The following RASGRF1 variants were observed in gnomAD, a reference collection of about 807,000 sequenced individuals.
RASGRF1 encodes the protein Ras protein specific guanine nucleotide releasing factor 1.
A neutral mutation model predicts 138.7 loss-of-function variants in RASGRF1; 40 were observed. That is an observed-to-expected ratio of 0.29 (90% CI 0.22 to 0.38). The LOEUF is 0.38. Among genes scored for constraint, RASGRF1 ranks in the 10% least tolerant of loss-of-function variants. The probability of loss-of-function intolerance (pLI) is 1.00; values close to 1 mark genes in which losing one functional copy is unlikely to be tolerated. For missense variants in RASGRF1, 1,108 were observed against 1,650.4 expected (o/e 0.67, Z 5.69); for synonymous variants, 614 against 663.2 (o/e 0.93, Z 1.14).
chr15:79,075,538 C>T (rs557478207), intron 1 of RASGRF1, among the ~76,000 whole-genome samples: 1 of 152,094 alleles, frequency 6.6e-6, no homozygotes, highest in Non-Finnish European at 1.5e-5. Flanking sequence ...GGCTTGAAGC[C>T]CCACCTACTT....
At position 79,027,482 on chromosome 15, in the gene RASGRF1, C is replaced by G. The variant is rs1225658200; in HGVS notation, c.1381+259G>C. On this transcript the variant is annotated intron_variant, in intron 9 of 26. Coordinates refer to ENST00000558480, the MANE Select transcript of RASGRF1 (RefSeq NM_001145648.3). This position sits in a 1 kb window ranked among gnomAD's most constrained non-coding sequence, Gnocchi z 4.8. ...ATGACATACAATAGACAAACCAAGG[C>G]CATCTGGGTAGAATTCTGTTTACAT... 6.6e-6 allele frequency among the ~76,000 whole-genome samples: 1 copy of G among 152,178 alleles called. No individual in the cohort carries two copies. Among genetic ancestry groups the G allele is most frequent in the Non-Finnish European group, 1.5e-5 (1 of 68,038 alleles).
chr15:78,971,304 C>A (rs1354521127), intron 26 of RASGRF1, among the ~76,000 whole-genome samples: 1 of 152,166 alleles, frequency 6.6e-6, no homozygotes, highest in Non-Finnish European at 1.5e-5. Flanking sequence ...AAATAGATTT[C>A]TCTGCAGCTG....
At chr15:79,037,754 T>G (rs1445234157) in intron 5 of RASGRF1, among the ~76,000 whole-genome samples, 2 of 152,244 alleles carry the variant, frequency 1.3e-5, no homozygotes, top group Admixed American at 1.3e-4. Context: ...CCACCATGCC[T>G]GGCCTATTTC....
chr15:79,018,838 T>C (rs1288137340), intron 11 of RASGRF1, among the ~76,000 whole-genome samples: 1 of 152,026 alleles, frequency 6.6e-6, no homozygotes. Context: ...TCCCTGGGCC[T>C]AGGAGGGTAA....
intron 1 of RASGRF1, among the ~76,000 whole-genome samples, chr15:79,070,248 G>A (rs183667112): frequency 5.3e-4 from 81 of 152,332 alleles, no homozygotes; most frequent in African/African-American, 1.9e-3. Flanking sequence ...GGTTGCAATA[G>A]CCCAGCTTTG....
chr15:79,013,306 G>T (rs533300163), intron 13 of RASGRF1, among the ~76,000 whole-genome samples: 1 of 152,174 alleles, frequency 6.6e-6, no homozygotes, highest in Non-Finnish European at 1.5e-5. Context: ...CCTTTCTGCT[G>T]TACCCCACCA....
intron 14 of RASGRF1, chr15:79,005,355 C>T: frequency 3.0e-6 from 3 of 985,448 alleles, no homozygotes; most frequent in Non-Finnish European, 1.2e-6. Context: ...AGCCCTAGAG[C>T]TGAGGCTCTG....
chr15:78,989,304 G>A (rs565509791), intron 22 of RASGRF1, among the ~76,000 whole-genome samples: 2 of 152,138 alleles, frequency 1.3e-5, no homozygotes, highest in Non-Finnish European at 2.9e-5. Flanking sequence ...CAGGTCCAGT[G>A]CTTGGTCCCA....
At chr15:78,986,351 CTT>C (rs111273337) in intron 22 of RASGRF1, among the ~76,000 whole-genome samples, 7 of 144,584 alleles carry the variant, frequency 4.8e-5, no homozygotes, top group South Asian at 2.2e-4. Flanking sequence ...TTCTAAGACT[CTT>C]TTTTTTTTTT....
intron 15 of RASGRF1, among the ~76,000 whole-genome samples, chr15:79,002,941 C>CGTGT (rs2056568757): frequency 6.6e-6 from 1 of 152,238 alleles, no homozygotes; most frequent in South Asian, 2.1e-4. Context: ...TGGGTGCGTG[C>CGTGT]GTGTGTGCAC....
chr15:79,001,426 G>T (rs1331727197), intron 16 of RASGRF1, among the ~76,000 whole-genome samples: 1 of 152,118 alleles, frequency 6.6e-6, no homozygotes, highest in Non-Finnish European at 1.5e-5. Context: ...AGAGTGACTT[G>T]GTTGAGTTGA....
intron 1 of RASGRF1, among the ~76,000 whole-genome samples, chr15:79,067,618 T>C (rs1197832409): frequency 6.6e-6 from 1 of 152,154 alleles, no homozygotes; most frequent in East Asian, 1.9e-4. Flanking sequence ...CTGACATCTG[T>C]TTTATGCAAC....
intron 8 of RASGRF1, among the ~76,000 whole-genome samples, chr15:79,029,740 A>C (rs1236724505): frequency 6.6e-6 from 1 of 152,054 alleles, no homozygotes; most frequent in Non-Finnish European, 1.5e-5. Flanking sequence ...AATTAAAGGG[A>C]TGCTGTCATG....
At chr15:79,020,357 G>C (rs193000752) in intron 10 of RASGRF1, among the ~76,000 whole-genome samples, 30 of 152,380 alleles carry the variant, frequency 2.0e-4, no homozygotes, top group African/African-American at 7.2e-4. Context: ...CCAAGGTTGA[G>C]TTCTGGCCAT....
chr15:79,003,899 GCTGGTGT>G lies in RASGRF1; in HGVS notation c.2345_2351del (p.Asp782AlafsTer39). On this transcript the variant is annotated frameshift_variant, in exon 15 of 27. Transcript: ENST00000558480. LOFTEE classifies it high-confidence loss of function. Reference sequence around the variant, plus strand: ...TGAAGCTGCTGGACACATAGAGCTTGCTGGTGTCCAGCGTGGCCTTGCTGAAGGGTGA... The same window carrying G: ...TGAAGCTGCTGGACACATAGAGCTTGCCAGCGTGGCCTTGCTGAAGGGTGA... 6.2e-7 allele frequency: 1 copy of G among 1,614,158 alleles called. No individual in the cohort carries two copies. The highest frequency in any genetic ancestry group is 8.5e-7 in the Non-Finnish European group (1 of 1,180,034).
At position 79,032,324 on chromosome 15, in the gene RASGRF1, G is replaced by T. The variant is rs764806379; in HGVS notation, c.959-8C>A. 5 of 1,613,534 alleles carry T rather than the reference G, an allele frequency of 3.1e-6. No homozygotes were observed. The highest frequency in any genetic ancestry group is 4.2e-6 in the Non-Finnish European group (5 of 1,179,740). On this transcript the variant is annotated splice_region_variant and splice_polypyrimidine_tract_variant and intron_variant, in intron 6 of 26. Transcript: ENST00000558480. This position sits in a 1 kb window ranked among gnomAD's most constrained non-coding sequence, Gnocchi z 4.5. The stretch of plus-strand genomic sequence containing the variant: ...GGATGTCAAATAGGTCAGCTGGAAG[G>T]ACGAGGCAGTCAGCGGGTGGCTAGG...
rs1312118399 is a variant in RASGRF1 at position 79,032,327 on chromosome 15, G to A, written c.959-11C>T. 3.7e-6 allele frequency: 6 copies of A among 1,613,244 alleles called. No individual in the cohort carries two copies. The highest frequency in any genetic ancestry group is 3.3e-5 in the Admixed American group (2 of 59,962). On this transcript the variant is annotated splice_polypyrimidine_tract_variant and intron_variant, in intron 6 of 26. Transcript: ENST00000558480. This position sits in a 1 kb window ranked among gnomAD's most constrained non-coding sequence, Gnocchi z 4.5. ...TGTCAAATAGGTCAGCTGGAAGGAC[G>A]AGGCAGTCAGCGGGTGGCTAGGGCA...
At chr15:78,981,167 A>C (rs2056019375) in intron 23 of RASGRF1, 1 of 152,524 alleles carries the variant, frequency 6.6e-6, no homozygotes, top group African/African-American at 2.4e-5. Context: ...ATCAAGAAAA[A>C]AGATGGGAGA....
At chr15:79,007,366 T>G (rs1335558046) in intron 13 of RASGRF1, among the ~76,000 whole-genome samples, 1 of 152,224 alleles carries the variant, frequency 6.6e-6, no homozygotes, top group African/African-American at 2.4e-5. Context: ...TGGGAGCTAT[T>G]AGGACTCTTG....
Sources: gnomAD v4.1 joint callset for allele counts (sites outside exome capture counted in the v4.1 genomes callset) on GRCh38, gnomAD v4.1.1 for gene constraint, Gnocchi (gnomAD v3.1) non-coding constraint, MANE v1.5 for transcripts, NCBI Gene and HGNC (gene_info 2026-07-23, HGNC 2026-07-21) for gene names.